MALRD1: variants seen among roughly 807,000 people sequenced by gnomAD.
The protein encoded by MALRD1 is MAM and LDL receptor class A domain containing 1.
A neutral mutation model predicts 242.1 loss-of-function variants in MALRD1; 247 were observed. The ratio of observed to expected loss-of-function variants is 1.02; its 90% CI spans 0.92 to 1.13. MALRD1 has a LOEUF of 1.13. MALRD1 is among the 50% of genes most tolerant of loss of function. The pLI is 0.00. For missense variants in MALRD1, 2,989 were observed against 2,533.1 expected (o/e 1.18, Z -3.86); for synonymous variants, 995 against 866.6 (o/e 1.15, Z -2.60).
intron 38 of MALRD1, among the ~76,000 whole-genome samples, chr10:19,727,385 T>C (rs117858948): frequency 6.6e-6 from 1 of 152,188 alleles, no homozygotes; most frequent in African/African-American, 2.4e-5. Flanking sequence ...AGTTAATAAG[T>C]GAATTCCATT....
intron 21 of MALRD1, among the ~76,000 whole-genome samples, chr10:19,300,548 A>G (rs1841903981): frequency 6.6e-6 from 1 of 151,958 alleles, no homozygotes; most frequent in Non-Finnish European, 1.5e-5. Context: ...ACCCAGAAAT[A>G]AAGCTGCACA....
At chr10:19,628,603 A>G (rs1839778876) in intron 36 of MALRD1, among the ~76,000 whole-genome samples, 1 of 152,216 alleles carries the variant, frequency 6.6e-6, no homozygotes, top group East Asian at 1.9e-4. Context: ...GTTACACATC[A>G]AACTGTTAAG....
intron 32 of MALRD1, among the ~76,000 whole-genome samples, chr10:19,562,861 C>T (rs1251421223): frequency 1.3e-5 from 2 of 152,164 alleles, no homozygotes; most frequent in African/African-American, 4.8e-5. Flanking sequence ...GAGGATCTAA[C>T]TAATGCCTGA....
chr10:19,335,192 G>GTTTTTTTTTTTTTTTT (rs397828429), intron 24 of MALRD1, among the ~76,000 whole-genome samples: 3 of 137,368 alleles, frequency 2.2e-5, no homozygotes, highest in Non-Finnish European at 3.1e-5. Flanking sequence ...GTTTTTTTTT[G>GTTTTTTTTTTTTTTTT]TTTTTTTTTT....
intron 35 of MALRD1, among the ~76,000 whole-genome samples, chr10:19,609,392 G>A (rs1401929830): frequency 6.6e-6 from 1 of 151,968 alleles, no homozygotes; most frequent in Non-Finnish European, 1.5e-5. Flanking sequence ...ATATATTAAA[G>A]CCAAGCTTCT....
rs868666613 is a variant in MALRD1 at position 19,306,395 on chromosome 10, G to T, written c.3420-17554G>T. ...ATATACCGTGTATAGTATATATAGT[G>T]TCGTATATGTACCGTGTATAGTATA... On this transcript the variant is annotated intron_variant, in intron 21 of 39. Coordinates refer to ENST00000454679, the MANE Select transcript of MALRD1 (RefSeq NM_001142308.3). Among the ~76,000 whole-genome samples the T allele has an allele frequency of 2.3e-3, 226 of 99,224 alleles. 2 individuals are homozygous for T. Among genetic ancestry groups the T allele is most frequent in the African/African-American group, 8.3e-3 (221 of 26,646 alleles). The allele number at this position is 99,224 out of a possible 152,430, so 65.1% of individuals were successfully genotyped here.
chr10:19,614,504 G>A (rs1302931326), intron 35 of MALRD1, among the ~76,000 whole-genome samples: 1 of 151,992 alleles, frequency 6.6e-6, no homozygotes, highest in Non-Finnish European at 1.5e-5. Context: ...TACAATTGCA[G>A]TGTGTTAAGT....
chr10:19,181,957 A>C (rs1835524871), intron 14 of MALRD1, among the ~76,000 whole-genome samples: 1 of 152,148 alleles, frequency 6.6e-6, no homozygotes, highest in Non-Finnish European at 1.5e-5. Flanking sequence ...GTAAACAAGT[A>C]GCTATTTTAA....
intron 11 of MALRD1, among the ~76,000 whole-genome samples, chr10:19,152,271 G>T (rs1030154029): frequency 6.6e-6 from 1 of 152,138 alleles, no homozygotes; most frequent in African/African-American, 2.4e-5. Context: ...TAAATCAAGG[G>T]ACGTGTTCCT....
chr10:19,519,651 T>C (rs12249129), intron 31 of MALRD1, among the ~76,000 whole-genome samples: 37,627 of 151,734 alleles, frequency 0.25, 7,462 homozygotes, highest in African/African-American at 0.56. Flanking sequence ...GTAGTCCTAG[T>C]TACTCGGGAA....
chr10:19,114,914 A>G (rs961036806), intron 5 of MALRD1, among the ~76,000 whole-genome samples: 1 of 152,166 alleles, frequency 6.6e-6, no homozygotes, highest in Non-Finnish European at 1.5e-5. Context: ...ATACCTGACT[A>G]TGACCTAAAC....
At chr10:19,723,363 A>T (rs184281138) in intron 38 of MALRD1, among the ~76,000 whole-genome samples, 3 of 152,242 alleles carry the variant, frequency 2.0e-5, no homozygotes, top group East Asian at 3.9e-4. Flanking sequence ...AACACAATCC[A>T]CCAAAATACG....
At chr10:19,418,782 A>G (rs1239499917) in intron 28 of MALRD1, among the ~76,000 whole-genome samples, 2 of 152,214 alleles carry the variant, frequency 1.3e-5, no homozygotes, top group Non-Finnish European at 2.9e-5. Context: ...ATTGTCTCTC[A>G]GTTAAACCCT....
In MALRD1 at chr10:19,059,377, A is replaced by G. The variant is rs571987758; in HGVS notation, c.200-7342A>G. 2.2e-4 allele frequency among the ~76,000 whole-genome samples: 34 copies of G among 151,772 alleles called. No homozygotes were observed. In the South Asian group the frequency reaches 6.7e-3, roughly 30 times the overall value. On this transcript the variant is annotated intron_variant, in intron 1 of 39. Transcript: ENST00000454679. ...TTTCAACTTTTCTAAAATAGCATCTATTGTTTTTGGGGTTTTGTTTTGTTT... is the reference window on the plus strand; with the variant it reads ...TTTCAACTTTTCTAAAATAGCATCTGTTGTTTTTGGGGTTTTGTTTTGTTT...
chr10:19,682,840 C>T (rs889698689), intron 36 of MALRD1, among the ~76,000 whole-genome samples: 2 of 152,186 alleles, frequency 1.3e-5, no homozygotes, highest in African/African-American at 2.4e-5. Flanking sequence ...GTTGGAAGAG[C>T]AGTACTTTCT....
intron 19 of MALRD1, among the ~76,000 whole-genome samples, chr10:19,264,299 A>G (rs1303120315): frequency 6.6e-6 from 1 of 152,118 alleles, no homozygotes; most frequent in Non-Finnish European, 1.5e-5. Context: ...GTCATAATAT[A>G]TGATCCTTTT....
chr10:19,453,831 C>T (rs372820144), intron 29 of MALRD1, among the ~76,000 whole-genome samples: 1 of 151,540 alleles, frequency 6.6e-6, no homozygotes. Context: ...GAGCCGAGAT[C>T]GCACCACTGC....
At chr10:19,532,190 A>T (rs1266255188) in intron 32 of MALRD1, among the ~76,000 whole-genome samples, 1 of 152,200 alleles carries the variant, frequency 6.6e-6, no homozygotes, top group Non-Finnish European at 1.5e-5. Flanking sequence ...AGACTCAAAG[A>T]GGCTTAGTAA....
At chr10:19,445,639 T>C (rs1007847784) in intron 28 of MALRD1, among the ~76,000 whole-genome samples, 1 of 152,186 alleles carries the variant, frequency 6.6e-6, no homozygotes, top group Non-Finnish European at 1.5e-5. Context: ...GAATGGCAAA[T>C]GGTGCTGCCT....
Sources: allele counts gnomAD v4.1 joint callset (sites outside exome capture counted in the v4.1 genomes callset), GRCh38; gene constraint gnomAD v4.1.1; transcripts MANE v1.5; gene names NCBI Gene and HGNC (gene_info 2026-07-23, HGNC 2026-07-21).